TRAF6: variants seen among roughly 807,000 people sequenced by gnomAD.
The protein encoded by TRAF6 is TNF receptor associated factor 6.
TRAF6 carries 10 observed loss-of-function variants against 48.4 expected under a neutral mutation model. The ratio of observed to expected loss-of-function variants is 0.21; its 90% CI spans 0.13 to 0.35. The LOEUF is 0.35. TRAF6 is among the 10% of genes least tolerant of loss of function. The pLI, the probability that TRAF6 is intolerant of heterozygous loss-of-function variation, is 1.00. For missense variants in TRAF6, 397 were observed against 661.0 expected (o/e 0.60, Z 4.38); for synonymous variants, 186 against 219.6 (o/e 0.85, Z 1.35).
chr11:36,491,990 ACCCAG>A lies in TRAF6; in HGVS notation c.756+556_756+560del, dbSNP rs1859570158. ...TTTTTGCCGAATGGCCCTTCCATCT[ACCCAG>A]TGACAAAGGCCAGAAACCAAGAGTC... On this transcript the variant is annotated intron_variant, in intron 6 of 6. Coordinates refer to ENST00000526995, the MANE Select transcript of TRAF6 (RefSeq NM_004620.4). Among the ~76,000 whole-genome samples, 3 of 152,060 alleles carry A rather than the reference ACCCAG, an allele frequency of 2.0e-5. No homozygotes were observed. In the East Asian group the frequency reaches 5.8e-4, roughly 29 times the overall value.
Position 36,501,322 on chromosome 11 carries a change from T to A in TRAF6, c.194A>T (p.Glu65Val). 1 of 1,614,114 alleles carries A rather than the reference T, an allele frequency of 6.2e-7. No individual in the cohort carries two copies. The highest frequency in any genetic ancestry group is 8.5e-7 in the Non-Finnish European group (1 of 1,180,036). The change falls in exon 2 of 7, where the codon GAA becomes GTA. Residue 65 changes from glutamate to valine, a missense_variant. Transcript: ENST00000526995. ...GCAGATGGGGCATTCATACTTGCTT[T>A]CCAGGGGTGGGTCAAACTCTACATC... ...GYDVEFDPPL[E>V]SKYECPICLM... is the part of the protein sequence containing the mutation.
intron 1 of TRAF6, among the ~76,000 whole-genome samples, chr11:36,509,009 C>A (rs1859854410): frequency 6.6e-6 from 1 of 152,202 alleles, no homozygotes; most frequent in African/African-American, 2.4e-5. Context: ...CGGACTCCTT[C>A]CTAGAGTCAC....
intron 6 of TRAF6, among the ~76,000 whole-genome samples, 192 bp downstream of exon 6, chr11:36,492,359 A>C (rs1859575280): frequency 6.6e-6 from 1 of 152,170 alleles, no homozygotes; most frequent in African/African-American, 2.4e-5. Context: ...TGTTTTGTCA[A>C]GTCTGTCTGA....
chr11:36,490,511 A>G lies in TRAF6; in HGVS notation c.896T>C (p.Ile299Thr). ...ISEVRNFQET[I>T]HQLEGRLVRQ... is the part of the protein sequence containing the mutation. ...TACAAGGCGACCCTCTAACTGGTGAATAGTTTCCTGGAAATTCCGGACCTC... is the reference window on the plus strand; with the variant it reads ...TACAAGGCGACCCTCTAACTGGTGAGTAGTTTCCTGGAAATTCCGGACCTC... Residue 299 changes from isoleucine (I) to threonine (T), a missense_variant, in exon 7 of 7, where the codon ATT becomes ACT. Coordinates refer to ENST00000526995, the MANE Select transcript of TRAF6 (RefSeq NM_004620.4). The surrounding 1 kb of genome is among the most constrained non-coding windows in gnomAD (Gnocchi z 6.4). 2 of 1,613,984 alleles carry G rather than the reference A, an allele frequency of 1.2e-6. No individual in the cohort carries two copies. The highest frequency in any genetic ancestry group is 1.7e-6 in the Non-Finnish European group (2 of 1,180,046).
At position 36,505,430 on chromosome 11, in the gene TRAF6, A is replaced by G. The variant is rs5030496; in HGVS notation, c.-22-3893T>C. On this transcript the variant is annotated intron_variant, in intron 1 of 6. Coordinates refer to ENST00000526995, the MANE Select transcript of TRAF6 (RefSeq NM_004620.4). Reference sequence around the variant, plus strand: ...ATAAACCAATCTCTGTTAGCTTCCAACTTTTCTTTTGCAGCTTCCTCACCT... The same window carrying G: ...ATAAACCAATCTCTGTTAGCTTCCAGCTTTTCTTTTGCAGCTTCCTCACCT... Among the ~76,000 whole-genome samples, 523 of 152,250 alleles carry G rather than the reference A, an allele frequency of 3.4e-3. 2 individuals are homozygous for G. The highest frequency in any genetic ancestry group is 6.0e-3 in the South Asian group (29 of 4,820).
Position 36,485,136 on chromosome 11 carries a change from T to A in TRAF6, c.*4702A>T, listed in dbSNP as rs1177439140. 6.6e-6 allele frequency among the ~76,000 whole-genome samples: 1 copy of A among 152,128 alleles called. No individual in the cohort carries two copies. Among genetic ancestry groups the A allele is most frequent in the Non-Finnish European group, 1.5e-5 (1 of 68,038 alleles). ...ACATAATATTACTGCAGATTCTAGG[T>A]CGTAGATGTTCACTATACAAGTCTT... On this transcript the variant is annotated 3_prime_UTR_variant, in exon 7 of 7. Transcript: ENST00000526995.
intron 1 of TRAF6, among the ~76,000 whole-genome samples, chr11:36,504,508 T>C (rs894718896): frequency 6.6e-6 from 1 of 152,194 alleles, no homozygotes; most frequent in African/African-American, 2.4e-5. Flanking sequence ...CCACTTCTAA[T>C]TCTAGTTCTC....
In TRAF6 at chr11:36,490,776, C is replaced by T; in HGVS notation, c.757-126G>A. 1.2e-6 allele frequency: 1 copy of T among 842,890 alleles called. No homozygotes were observed. The highest frequency in any genetic ancestry group is 1.7e-5 in the African/African-American group (1 of 58,638). The allele number at this position is 842,890 out of a possible 1,614,324, so 52.2% of individuals were successfully genotyped here. On this transcript the variant is annotated intron_variant, in intron 6 of 6. Coordinates refer to ENST00000526995, the MANE Select transcript of TRAF6 (RefSeq NM_004620.4). The surrounding 1 kb of genome is among the most constrained non-coding windows in gnomAD (Gnocchi z 6.4). The stretch of plus-strand genomic sequence containing the variant: ...CTTCCCTCAATTCTCTACAATTTTC[C>T]TTTGCCTTCAACAGATTCTTGATCC...
In TRAF6 at chr11:36,489,707, A is replaced by T. The variant is rs1432582830; in HGVS notation, c.*131T>A. The T allele has an allele frequency of 3.0e-6, 3 of 984,894 alleles. No individual in the cohort carries two copies. The highest frequency in any genetic ancestry group is 4.6e-6 in the Non-Finnish European group (3 of 654,806). 61.0% of individuals were successfully genotyped at this position (984,894 alleles called of 1,614,324 possible). A position where few individuals can be genotyped will look rare whatever the true frequency, so the allele number is the denominator to read the frequency against. On this transcript the variant is annotated 3_prime_UTR_variant, in exon 7 of 7. Coordinates refer to ENST00000526995, the MANE Select transcript of TRAF6 (RefSeq NM_004620.4). ...TTGTAACAGGAAGAAATAGTAAGTG[A>T]CCTCTCTAACAACACTCACTAGTAG... is the stretch of plus-strand genomic sequence containing the variant.
Position 36,489,609 on chromosome 11 carries a change from G to A in TRAF6, c.*229C>T. ...AAAATAGCTGCTGCAACATGCCACAGGCACTTCAGGCCTAACATTTCTGAA... is the reference window on the plus strand; with the variant it reads ...AAAATAGCTGCTGCAACATGCCACAAGCACTTCAGGCCTAACATTTCTGAA... On this transcript the variant is annotated 3_prime_UTR_variant, in exon 7 of 7. Transcript: ENST00000526995. The A allele has an allele frequency of 1.8e-6, 1 of 548,622 alleles. No homozygotes were observed. The highest frequency in any genetic ancestry group is 3.2e-6 in the Non-Finnish European group (1 of 313,784). 34.0% of individuals were successfully genotyped at this position (548,622 alleles called of 1,614,324 possible). A position where few individuals can be genotyped will look rare whatever the true frequency, so the allele number is the denominator to read the frequency against.
intron 1 of TRAF6, among the ~76,000 whole-genome samples, chr11:36,505,765 T>A (rs944864613): frequency 6.6e-6 from 1 of 152,226 alleles, no homozygotes; most frequent in Non-Finnish European, 1.5e-5. Flanking sequence ...CTCTTTGGTT[T>A]ACTTGAACAC....
rs1482174515 is a variant in TRAF6, at chr11:36,507,661, ACACGCG to A, written c.-23+2381_-23+2386del. 8.7e-3 allele frequency among the ~76,000 whole-genome samples: 16 copies of A among 1,844 alleles called. 4 individuals carry two copies. The highest frequency in any genetic ancestry group is 0.066 in the Non-Finnish European group (13 of 198). The allele number at this position is 1,844 out of a possible 152,430, so 1.2% of individuals were successfully genotyped here. ...CGCGCGTGTATATATGTATACATAC[ACACGCG>A]CGTGTATATATGTATACATACACGA... On this transcript the variant is annotated intron_variant, in intron 1 of 6. Coordinates refer to ENST00000526995, the MANE Select transcript of TRAF6 (RefSeq NM_004620.4).
At chr11:36,508,659 A>G (rs1790065706) in intron 1 of TRAF6, among the ~76,000 whole-genome samples, 1 of 152,216 alleles carries the variant, frequency 6.6e-6, no homozygotes, top group South Asian at 2.1e-4. Flanking sequence ...ATTATCTTTA[A>G]TGTGCTACTA....
chr11:36,503,404 C>T (rs185343071), intron 1 of TRAF6, among the ~76,000 whole-genome samples: 72 of 152,024 alleles, frequency 4.7e-4, no homozygotes, highest in African/African-American at 1.4e-3. Context: ...CCCGCCTCAG[C>T]CTCCCCAATA....
intron 4 of TRAF6, among the ~76,000 whole-genome samples, chr11:36,495,657 G>A (rs1242701522): frequency 6.6e-6 from 1 of 152,106 alleles, no homozygotes; most frequent in Non-Finnish European, 1.5e-5. Flanking sequence ...ATTTTGGGAG[G>A]CAAAGAGGGC....
chr11:36,490,150 G>A lies in TRAF6; in HGVS notation c.1257C>T (p.Asp419=), dbSNP rs764878622. 6.2e-7 allele frequency: 1 copy of A among 1,614,166 alleles called. No homozygotes were observed. The highest frequency in any genetic ancestry group is 1.1e-5 in the South Asian group (1 of 91,080). The stretch of plus-strand genomic sequence containing the variant: ...CCTGGAAGGGCCAAGGGAGGTGGCT[G>A]TCATATTCTCCTTGCATTGTGTGGA... The part of the protein sequence containing the change: ...LFVHTMQGEY[D]SHLPWPFQGT... The change falls in exon 7 of 7, where the codon GAC becomes GAT. Residue 419 remains aspartate (D), a synonymous_variant. Coordinates refer to ENST00000526995, the MANE Select transcript of TRAF6 (RefSeq NM_004620.4). The surrounding 1 kb of genome is among the most constrained non-coding windows in gnomAD (Gnocchi z 6.4).
rs1201783063 is a variant in TRAF6, at chr11:36,487,374, C to T, written c.*2464G>A. On this transcript the variant is annotated 3_prime_UTR_variant, in exon 7 of 7. Transcript: ENST00000526995. ...GTAAAAAGTTTTCTATTTGGAATGA[C>T]AGCTTGACTATTCTACTTTGTAGTC... The T allele has an allele frequency of 2.6e-5, 4 of 152,180 alleles. No individual in the cohort carries two copies. The highest frequency in any genetic ancestry group is 9.7e-5 in the African/African-American group (4 of 41,438). 9.4% of individuals were successfully genotyped at this position (152,180 alleles called of 1,614,324 possible).
In TRAF6 at chr11:36,510,116, G is replaced by T. The variant is rs541487504; in HGVS notation, c.-91C>A. 8.5e-5 allele frequency: 13 copies of T among 152,650 alleles called. No homozygotes were observed. Among genetic ancestry groups the T allele is most frequent in the African/African-American group, 2.9e-4 (12 of 41,588 alleles). 9.5% of individuals were successfully genotyped at this position (152,650 alleles called of 1,614,324 possible). On this transcript the variant is annotated 5_prime_UTR_variant, in exon 1 of 7. The change creates a new upstream start codon in the 5' untranslated region. Coordinates refer to ENST00000526995, the MANE Select transcript of TRAF6 (RefSeq NM_004620.4). Reference sequence around the variant, plus strand: ...CCCACCAACCGCACGACTCCGCTCAGCCAAGGCGCTGGTAGAGGACGGACA... The same window carrying T: ...CCCACCAACCGCACGACTCCGCTCATCCAAGGCGCTGGTAGAGGACGGACA...
rs376797523 is a variant in TRAF6 at position 36,507,567 on chromosome 11, G to GTA, written c.-23+2479_-23+2480dup. ...TACGTGTATACACGTATATATACATGTATATGTATACATACACGCGCGTGT... is the reference window on the plus strand; with the variant it reads ...TACGTGTATACACGTATATATACATGTATATATGTATACATACACGCGCGTGT... On this transcript the variant is annotated intron_variant, in intron 1 of 6. Transcript: ENST00000526995. Among the ~76,000 whole-genome samples the GTA allele has an allele frequency of 3.4e-3, 10 of 2,966 alleles. 5 individuals are homozygous for GTA. Among genetic ancestry groups the GTA allele is most frequent in the African/African-American group, 3.7e-3 (10 of 2,676 alleles). The allele number at this position is 2,966 out of a possible 152,430, so 1.9% of individuals were successfully genotyped here.
Sources: gnomAD v4.1 joint callset for allele counts (sites outside exome capture counted in the v4.1 genomes callset) on GRCh38, gnomAD v4.1.1 for gene constraint, Gnocchi (gnomAD v3.1) non-coding constraint, MANE v1.5 for transcripts, NCBI Gene and HGNC (gene_info 2026-07-23, HGNC 2026-07-21) for gene names.